The following FREM1 variants were observed in gnomAD, a reference collection of about 807,000 sequenced individuals.
FREM1 encodes FRAS1 related extracellular matrix 1.
FREM1 carries 220 observed loss-of-function variants against 210.1 expected under a neutral mutation model. The ratio of observed to expected loss-of-function variants is 1.05; its 90% CI spans 0.94 to 1.17. The LOEUF (loss-of-function observed/expected upper bound fraction) is 1.17. Ranked by LOEUF, FREM1 falls within the 50% of genes most tolerant of loss-of-function variation. The pLI, the probability that FREM1 is intolerant of heterozygous loss-of-function variation, is 0.00. For synonymous variants in FREM1, 1,189 were observed against 980.2 expected (o/e 1.21, Z -3.98); for missense variants, 3,454 against 2,675.5 (o/e 1.29, Z -6.42).
chr9:14,759,540 T>C (rs1845082850), intron 28 of FREM1, among the ~76,000 whole-genome samples: 1 of 6,606 alleles, frequency 1.5e-4, no homozygotes, highest in African/African-American at 3.1e-4. Flanking sequence ...TAATATCTCT[T>C]GTGCTAGCTT....
At position 14,841,421 on chromosome 9, in the gene FREM1, G is replaced by C. The variant is rs757535183; in HGVS notation, c.1881+26C>G. 5.8e-6 allele frequency: 9 copies of C among 1,551,714 alleles called. No homozygotes were observed. The South Asian group carries it at 9.8e-5, about 17-fold the overall frequency. On this transcript the variant is annotated intron_variant, in intron 10 of 36. Coordinates refer to ENST00000380880, the MANE Select transcript of FREM1 (RefSeq NM_001379081.2). ...TTGACACCTGTGCACAAGACTTTGGGAAAGTGTTCAGAAACAGTCTCTTAC... is the reference window on the plus strand; with the variant it reads ...TTGACACCTGTGCACAAGACTTTGGCAAAGTGTTCAGAAACAGTCTCTTAC...
intron 3 of FREM1, among the ~76,000 whole-genome samples, chr9:14,861,067 A>C (rs1308689677): frequency 1.5e-5 from 1 of 68,424 alleles, no homozygotes; most frequent in Non-Finnish European, 2.8e-5. Flanking sequence ...ATATACACAT[A>C]TACATATATA....
chr9:14,741,438 C>G (rs548894375), intron 35 of FREM1, among the ~76,000 whole-genome samples: 5 of 152,318 alleles, frequency 3.3e-5, no homozygotes, highest in African/African-American at 1.2e-4. Context: ...CTCTTTGCCC[C>G]TCCACTGAAT....
Position 14,769,808 on chromosome 9 carries a change from A to T in FREM1, c.5120T>A (p.Ile1707Asn). 2 of 1,609,232 alleles carry T rather than the reference A, an allele frequency of 1.2e-6. No individual in the cohort carries two copies. The highest frequency in any genetic ancestry group is 1.7e-6 in the Non-Finnish European group (2 of 1,176,228). Residue 1707 changes from isoleucine (I) to asparagine (N), a missense_variant, in exon 27 of 37, where the codon ATC becomes AAC. By Grantham distance (149) the Ile-to-Asn change is moderately radical (BLOSUM62 -3). Transcript: ENST00000380880. ...ATTTACTTCCAAAGATGGGTTTATG[A>T]TGTAAAGAATAGTCTTACTGTTTAA... ...KDLNSKTILY[I>N]INPSLEVNSD...
intron 5 of FREM1, among the ~76,000 whole-genome samples, chr9:14,855,721 C>A (rs535763052): frequency 8.0e-4 from 120 of 150,900 alleles, no homozygotes; most frequent in Admixed American, 2.2e-3. Context: ...TTATGACATG[C>A]CAAATAAGCT....
chr9:14,817,772 G>A (rs985920930), intron 14 of FREM1, among the ~76,000 whole-genome samples: 3 of 152,168 alleles, frequency 2.0e-5, no homozygotes, highest in Admixed American at 2.0e-4. Flanking sequence ...AACTGAGGTT[G>A]AGGATTCCCT....
Position 14,857,559 on chromosome 9 carries a change from C to T in FREM1, c.822G>A (p.Val274=), listed in dbSNP as rs1195109822. The T allele has an allele frequency of 1.2e-6, 2 of 1,612,814 alleles. No individual in the cohort carries two copies. Among genetic ancestry groups the T allele is most frequent in the African/African-American group, 2.7e-5 (2 of 74,902 alleles). The change falls in exon 5 of 37, where the codon GTG becomes GTA. Residue 274 remains valine (V), a synonymous_variant. Transcript: ENST00000380880. ...ACATAACCCCAAACTCTACCTTGTACACAATTTTGCTCCTGGTATCTGTGA... is the reference window on the plus strand; with the variant it reads ...ACATAACCCCAAACTCTACCTTGTATACAATTTTGCTCCTGGTATCTGTGA... ...LDLTDTRSKI[V]YKSESAWLPV...
At chr9:14,746,878 G>T in intron 34 of FREM1, 45 bp downstream of exon 34, 1 of 1,600,518 alleles carries the variant, frequency 6.2e-7, no homozygotes, top group Non-Finnish European at 8.5e-7. Context: ...TTATCATAGA[G>T]CACATTGCGA....
At chr9:14,794,712 AG>A (rs1325346885) in intron 21 of FREM1, among the ~76,000 whole-genome samples, 2 of 152,130 alleles carry the variant, frequency 1.3e-5, no homozygotes, top group African/African-American at 4.8e-5. Context: ...AATAAAGTGG[AG>A]ATTGGGCCGG....
chr9:14,739,482 T>TATATATATATAATTC (rs1841094805), intron 36 of FREM1, among the ~76,000 whole-genome samples: 5 of 111,200 alleles, frequency 4.5e-5, no homozygotes, highest in Admixed American at 8.7e-5. Flanking sequence ...ATATAATTCA[T>TATATATATATAATTC]ATATATATAT....
rs1407649240 is a variant in FREM1 at position 14,775,958 on chromosome 9, A to G, written c.4688T>C (p.Leu1563Pro). 1 of 1,613,872 alleles carries G rather than the reference A, an allele frequency of 6.2e-7. No homozygotes were observed. ...GQLYLWGTGL[L>P]QHNFTQQDVD... is the part of the protein sequence containing the mutation. ...ATCCTGCTGGGTGAAATTGTGTTGAAGTAGCCCTGTCCCCCACAGGTAGAG... is the reference window on the plus strand; with the variant it reads ...ATCCTGCTGGGTGAAATTGTGTTGAGGTAGCCCTGTCCCCCACAGGTAGAG... The change falls in exon 25 of 37, where the codon CTT becomes CCT. Residue 1563 changes from leucine to proline, a missense_variant. Leu to Pro is a moderately conservative substitution (Grantham distance 98). Coordinates refer to ENST00000380880, the MANE Select transcript of FREM1 (RefSeq NM_001379081.2).
intron 5 of FREM1, among the ~76,000 whole-genome samples, chr9:14,851,890 C>G (rs1198687534): frequency 1.3e-5 from 2 of 152,176 alleles, no homozygotes; most frequent in Non-Finnish European, 2.9e-5. Flanking sequence ...GAAGGGAGCA[C>G]CTACTTTGGC....
At chr9:14,884,161 G>A (rs905919953) in intron 1 of FREM1, among the ~76,000 whole-genome samples, 14 of 152,090 alleles carry the variant, frequency 9.2e-5, no homozygotes, top group African/African-American at 2.9e-4. Context: ...CTTGGGAGGC[G>A]GAGGTTGCAG....
In FREM1 at chr9:14,820,364, C is replaced by G. The variant is rs572714750; in HGVS notation, c.2338-922G>C. On this transcript the variant is annotated intron_variant, in intron 13 of 36. Coordinates refer to ENST00000380880, the MANE Select transcript of FREM1 (RefSeq NM_001379081.2). Reference sequence around the variant, plus strand: ...AAATCACGGGCTCTGAGGACCCCTCCCAGGTGGTCTAGTAAGGTGCCCTGT... The same window carrying G: ...AAATCACGGGCTCTGAGGACCCCTCGCAGGTGGTCTAGTAAGGTGCCCTGT... 2.6e-5 allele frequency among the ~76,000 whole-genome samples: 4 copies of G among 152,250 alleles called. No homozygotes were observed. The South Asian group carries it at 6.2e-4, about 24-fold the overall frequency.
intron 25 of FREM1, among the ~76,000 whole-genome samples, chr9:14,771,826 A>G (rs555990240): frequency 5.3e-5 from 8 of 152,286 alleles, no homozygotes; most frequent in Admixed American, 3.9e-4. Context: ...TAAGGGAGAA[A>G]ATGAATTGAT....
intron 14 of FREM1, among the ~76,000 whole-genome samples, chr9:14,817,260 C>G (rs924421165): frequency 2.0e-5 from 3 of 152,170 alleles, no homozygotes; most frequent in Non-Finnish European, 4.4e-5. Context: ...TGGATTTGAT[C>G]TTTTTCTCCC....
chr9:14,752,849 C>T (rs1457240255), intron 29 of FREM1, among the ~76,000 whole-genome samples: 1 of 151,886 alleles, frequency 6.6e-6, no homozygotes. Context: ...ATAGTACCCC[C>T]CAAACAAACA....
At chr9:14,792,288 A>ACT (rs1257423982) in intron 22 of FREM1, among the ~76,000 whole-genome samples, 1 of 143,736 alleles carries the variant, frequency 7.0e-6, no homozygotes. Context: ...ACACACACAC[A>ACT]CACACACACA....
intron 22 of FREM1, among the ~76,000 whole-genome samples, chr9:14,789,644 ATGGGG>A (rs1850971582): frequency 6.6e-6 from 1 of 152,218 alleles, no homozygotes. Context: ...AAAGAAAATG[ATGGGG>A]ATCACTATCA....
Sources: allele counts gnomAD v4.1 joint callset (sites outside exome capture counted in the v4.1 genomes callset), GRCh38; gene constraint gnomAD v4.1.1; transcripts MANE v1.5; gene names NCBI Gene and HGNC (gene_info 2026-07-23, HGNC 2026-07-21).